The following ATPAF1 variants were observed in gnomAD, a reference collection of about 807,000 sequenced individuals.
ATPAF1 encodes ATP synthase mitochondrial F1 complex assembly factor 1.
In ATPAF1, 26 loss-of-function variants were observed where a neutral mutation model predicts 43.9. That is an observed-to-expected ratio of 0.59 (90% CI 0.43 to 0.82). The LOEUF (loss-of-function observed/expected upper bound fraction) is 0.82. Ranked by LOEUF, ATPAF1 falls within the 40% of genes least tolerant of loss-of-function variation. The probability of loss-of-function intolerance (pLI) is 0.00; values close to 1 mark genes in which losing one functional copy is unlikely to be tolerated. For missense variants in ATPAF1, 366 were observed against 435.0 expected, an observed-to-expected ratio of 0.84 and a Z score of 1.41; for synonymous variants, 157 against 168.0, an observed-to-expected ratio of 0.93 and a Z score of 0.50.
chr1:46,650,296 G>A (rs1399579722), intron 6 of ATPAF1, among the ~76,000 whole-genome samples: 1 of 151,882 alleles, frequency 6.6e-6, no homozygotes, highest in Non-Finnish European at 1.5e-5. Flanking sequence ...GTCTGAGGTG[G>A]GAGGGTCATT....
At chr1:46,646,724 G>A (rs1006019027) in intron 6 of ATPAF1, among the ~76,000 whole-genome samples, 13 of 152,128 alleles carry the variant, frequency 8.5e-5, no homozygotes, top group African/African-American at 2.9e-4. Flanking sequence ...ACAACAAAGT[G>A]CACATATTTA....
chr1:46,654,577 G>C (rs1483891926), intron 4 of ATPAF1, among the ~76,000 whole-genome samples: 1 of 138,616 alleles, frequency 7.2e-6, no homozygotes, highest in African/African-American at 2.7e-5. Context: ...TAAGTTCTAG[G>C]GTACATGTGT....
chr1:46,639,708 T>G (rs1485582698), intron 8 of ATPAF1, among the ~76,000 whole-genome samples: 1 of 152,236 alleles, frequency 6.6e-6, no homozygotes, highest in Non-Finnish European at 1.5e-5. Context: ...CTTATACTTC[T>G]AAGTTTCTCT....
exon 9 of ATPAF1, chr1:46,635,791 G>A: frequency 6.2e-7 from 1 of 1,613,904 alleles, no homozygotes; most frequent in East Asian, 2.2e-5. Context: ...TCTTATTTTG[G>A]TTCTGGGCAC....
intron 2 of ATPAF1, among the ~76,000 whole-genome samples, chr1:46,659,322 AGAGTCCATTCT>A (rs1192507743): frequency 6.6e-6 from 1 of 152,220 alleles, no homozygotes; most frequent in Non-Finnish European, 1.5e-5. Context: ...ACTAGTACTG[AGAGTCCATTCT>A]CCACCTGCCA....
exon 8 of ATPAF1, chr1:46,643,248 A>C: frequency 6.2e-7 from 1 of 1,613,980 alleles, no homozygotes; most frequent in African/African-American, 1.3e-5. Context: ...TTTCTTCCTT[A>C]AGTTCAGGAT....
chr1:46,657,589 A>G (rs1434999964), intron 4 of ATPAF1, among the ~76,000 whole-genome samples: 1 of 152,192 alleles, frequency 6.6e-6, no homozygotes, highest in East Asian at 1.9e-4. Flanking sequence ...TTATCCAAAT[A>G]ACTCTATGAG....
intron 4 of ATPAF1, among the ~76,000 whole-genome samples, chr1:46,656,473 G>A (rs977712205): frequency 1.3e-5 from 2 of 152,152 alleles, no homozygotes; most frequent in Non-Finnish European, 1.5e-5. Context: ...TCTCAATGTG[G>A]CATAAGGTTG....
At chr1:46,635,615 A>C (rs1306592505) in exon 9 of ATPAF1, 1 of 621,264 alleles carries the variant, frequency 1.6e-6, no homozygotes, top group Non-Finnish European at 2.8e-6. Context: ...CTGAATATCA[A>C]GTAATAGGGC....
At chr1:46,639,029 T>C (rs528751159) in intron 8 of ATPAF1, among the ~76,000 whole-genome samples, 1 of 152,234 alleles carries the variant, frequency 6.6e-6, no homozygotes, top group Non-Finnish European at 1.5e-5. Flanking sequence ...CTATTGCAAC[T>C]GACTTCTAAA....
intron 1 of ATPAF1, chr1:46,665,576 G>T: frequency 8.0e-7 from 1 of 1,250,496 alleles, no homozygotes; most frequent in Non-Finnish European, 1.1e-6. Context: ...TCCTCAAGGG[G>T]CCTGTGTAAC....
At chr1:46,644,412 G>A (rs1052472896) in intron 7 of ATPAF1, among the ~76,000 whole-genome samples, 3 of 152,078 alleles carry the variant, frequency 2.0e-5, no homozygotes, top group African/African-American at 7.2e-5. Flanking sequence ...TAAAACATGT[G>A]GCACATAGTA....
At chr1:46,638,414 C>A (rs1354200935) in intron 8 of ATPAF1, among the ~76,000 whole-genome samples, 1 of 152,074 alleles carries the variant, frequency 6.6e-6, no homozygotes, top group South Asian at 2.1e-4. Context: ...GTCAGGAGAT[C>A]GAGACCATCC....
intron 7 of ATPAF1, 87 bp downstream of exon 7, chr1:46,645,074 T>C: frequency 2.0e-6 from 2 of 979,098 alleles, no homozygotes; most frequent in Non-Finnish European, 3.1e-6. Flanking sequence ...TAAGCAGCTA[T>C]TCTGTGTCCT....
intron 8 of ATPAF1, among the ~76,000 whole-genome samples, chr1:46,641,442 C>G (rs185044540): frequency 3.7e-3 from 568 of 152,264 alleles, no homozygotes; most frequent in African/African-American, 0.012. Context: ...ACAAAAGATA[C>G]CCTTGGGCGC....
chr1:46,636,217 C>T (rs1675838561), intron 8 of ATPAF1: 2 of 556,880 alleles, frequency 3.6e-6, no homozygotes, highest in Non-Finnish European at 3.2e-6. Flanking sequence ...GTCTATTTTC[C>T]CTAGTACAAA....
chr1:46,639,503 T>C (rs1364665734), intron 8 of ATPAF1, among the ~76,000 whole-genome samples: 1 of 152,234 alleles, frequency 6.6e-6, no homozygotes, highest in Non-Finnish European at 1.5e-5. Flanking sequence ...AAATCATCTA[T>C]TGACATAGAT....
At chr1:46,638,157 A>G (rs911341754) in intron 8 of ATPAF1, among the ~76,000 whole-genome samples, 2 of 152,188 alleles carry the variant, frequency 1.3e-5, no homozygotes, top group Non-Finnish European at 2.9e-5. Context: ...GGAAGGTAGG[A>G]GTAAGTTCAG....
chr1:46,635,942 T>A, exon 9 of ATPAF1: 1 of 1,614,262 alleles, frequency 6.2e-7, no homozygotes, highest in Non-Finnish European at 8.5e-7. Flanking sequence ...CTGAACTTGG[T>A]TGGCGATGCA....
Sources: allele counts gnomAD v4.1 joint callset (sites outside exome capture counted in the v4.1 genomes callset), GRCh38; gene constraint gnomAD v4.1.1; transcripts MANE v1.5; gene names NCBI Gene and HGNC (gene_info 2026-07-23, HGNC 2026-07-21).